The following CDC42BPA variants were observed in gnomAD, a reference collection of about 807,000 sequenced individuals.
The protein encoded by CDC42BPA is serine/threonine-protein kinase MRCK alpha.
In CDC42BPA, 80 loss-of-function variants were observed where a neutral mutation model predicts 223.5. The ratio of observed to expected loss-of-function variants is 0.36; its 90% CI spans 0.30 to 0.43. The LOEUF (loss-of-function observed/expected upper bound fraction) is 0.43, where lower values mean the gene tolerates loss of function less well. Ranked by LOEUF, CDC42BPA falls within the 20% of genes least tolerant of loss-of-function variation. CDC42BPA has a pLI of 1.00. For synonymous variants in CDC42BPA, 694 were observed against 718.6 expected (o/e 0.97, Z 0.55); for missense variants, 1,743 against 2,099.9 (o/e 0.83, Z 3.32).
chr1:227,122,170 G>A (rs551728756), intron 11 of CDC42BPA, among the ~76,000 whole-genome samples: 23 of 152,250 alleles, frequency 1.5e-4, no homozygotes, highest in Middle Eastern at 3.4e-3. Context: ...GAGTAAAAAT[G>A]TAGCCTGTAA....
At chr1:227,311,768 T>C (rs1341221994) in intron 1 of CDC42BPA, among the ~76,000 whole-genome samples, 2 of 152,080 alleles carry the variant, frequency 1.3e-5, no homozygotes, top group Admixed American at 6.6e-5. Context: ...CAGACTGAAG[T>C]AGCAACTCAG....
intron 1 of CDC42BPA, among the ~76,000 whole-genome samples, chr1:227,315,867 G>A (rs1694286424): frequency 6.7e-6 from 1 of 149,540 alleles, no homozygotes; most frequent in African/African-American, 2.5e-5. Context: ...TTCTTATACT[G>A]GCAAATTGAA....
At chr1:227,053,313 G>T (rs1673915275) in intron 21 of CDC42BPA, among the ~76,000 whole-genome samples, 1 of 152,158 alleles carries the variant, frequency 6.6e-6, no homozygotes, top group East Asian at 1.9e-4. Flanking sequence ...CCCACCTACG[G>T]CCTTCCTGGG....
In CDC42BPA at chr1:227,197,481, C is replaced by G. The variant is rs193020818; in HGVS notation, c.450+2076G>C. Among the ~76,000 whole-genome samples, 562 of 152,176 alleles carry G rather than the reference C, an allele frequency of 3.7e-3. 3 individuals carry two copies. The highest frequency in any genetic ancestry group is 0.013 in the African/African-American group (543 of 41,548). ...GTAATTATTGAGGGGTATATACAGA[C>G]TATTTTTCCCTGAAAAATGTCTTTG... On this transcript the variant is annotated intron_variant, in intron 4 of 36. Coordinates refer to ENST00000366766, the MANE Select transcript of CDC42BPA (RefSeq NM_001394014.1).
At chr1:226,997,131 AG>A (rs1661778349) in intron 35 of CDC42BPA, among the ~76,000 whole-genome samples, 1 of 152,208 alleles carries the variant, frequency 6.6e-6, no homozygotes, top group Non-Finnish European at 1.5e-5. Flanking sequence ...CCTCAATTTC[AG>A]AACTTGTTAT....
At chr1:227,040,525 T>TA (rs1671158361) in intron 23 of CDC42BPA, among the ~76,000 whole-genome samples, 1 of 152,190 alleles carries the variant, frequency 6.6e-6, no homozygotes, top group South Asian at 2.1e-4. Context: ...TCATAAATCT[T>TA]AGCTTCAGAA....
At chr1:227,296,921 T>A (rs1210075699) in intron 1 of CDC42BPA, among the ~76,000 whole-genome samples, 1 of 152,002 alleles carries the variant, frequency 6.6e-6, no homozygotes, top group Non-Finnish European at 1.5e-5. Flanking sequence ...AAAATATGTG[T>A]AAATAATATA....
intron 3 of CDC42BPA, among the ~76,000 whole-genome samples, chr1:227,211,234 C>T (rs1673833735): frequency 6.6e-6 from 1 of 152,078 alleles, no homozygotes; most frequent in Admixed American, 6.6e-5. Context: ...CTCCCAGATA[C>T]TTTGTCAAAC....
chr1:227,019,144 C>T (rs2148527404), intron 32 of CDC42BPA, among the ~76,000 whole-genome samples: 1 of 152,298 alleles, frequency 6.6e-6, no homozygotes, highest in Admixed American at 6.5e-5. Flanking sequence ...TCAAACCCTG[C>T]CTCTGCCCTA....
chr1:227,106,363 A>G (rs1685928286), intron 14 of CDC42BPA, among the ~76,000 whole-genome samples: 2 of 152,144 alleles, frequency 1.3e-5, no homozygotes, highest in Non-Finnish European at 2.9e-5. Context: ...ATGATTTGCA[A>G]ATATTTTCTT....
At chr1:227,220,073 C>T (rs1353010286) in intron 2 of CDC42BPA, among the ~76,000 whole-genome samples, 2 of 151,956 alleles carry the variant, frequency 1.3e-5, no homozygotes, top group African/African-American at 2.4e-5. Flanking sequence ...TGACCTGTGA[C>T]CAGGCAGGAC....
chr1:227,149,602 A>C (rs1276117491), intron 6 of CDC42BPA, among the ~76,000 whole-genome samples: 6 of 152,242 alleles, frequency 3.9e-5, no homozygotes, highest in Non-Finnish European at 8.8e-5. Flanking sequence ...AGTTTTTAAA[A>C]ATCAAACGGA....
At chr1:227,081,281 C>CT (rs141743743) in intron 16 of CDC42BPA, among the ~76,000 whole-genome samples, 10,404 of 149,192 alleles carry the variant, frequency 0.07, 539 homozygotes, top group East Asian at 0.26. Flanking sequence ...TTGGTAATAG[C>CT]TTTTTTTTTT....
intron 2 of CDC42BPA, among the ~76,000 whole-genome samples, chr1:227,230,356 G>A (rs1015181739): frequency 3.9e-5 from 6 of 152,180 alleles, no homozygotes; most frequent in African/African-American, 1.4e-4. Flanking sequence ...TTATTTAATA[G>A]TTCAAATTTC....
chr1:227,243,677 C>A (rs1022719830), intron 2 of CDC42BPA, among the ~76,000 whole-genome samples: 4 of 151,866 alleles, frequency 2.6e-5, no homozygotes, highest in African/African-American at 9.7e-5. Context: ...TAATTAATTG[C>A]ACTCCATTAA....
intron 16 of CDC42BPA, among the ~76,000 whole-genome samples, chr1:227,081,355 A>G (rs1007774820): frequency 5.9e-5 from 9 of 152,244 alleles, no homozygotes; most frequent in Non-Finnish European, 1.2e-4. Context: ...CATATACAGA[A>G]AAGGAAAATA....
chr1:227,044,294 A>T (rs1454560936), intron 23 of CDC42BPA, among the ~76,000 whole-genome samples: 1 of 152,154 alleles, frequency 6.6e-6, no homozygotes, highest in East Asian at 1.9e-4. Context: ...GTCTGTCATC[A>T]TCTGTTAACA....
chr1:227,097,206 A>G (rs1684169439), intron 15 of CDC42BPA, among the ~76,000 whole-genome samples: 1 of 152,020 alleles, frequency 6.6e-6, no homozygotes, highest in Non-Finnish European at 1.5e-5. Flanking sequence ...ACAAAGTACA[A>G]TAGTTTTACC....
chr1:227,048,568 T>C (rs1186170590), intron 22 of CDC42BPA, among the ~76,000 whole-genome samples: 2 of 151,642 alleles, frequency 1.3e-5, no homozygotes, highest in African/African-American at 4.8e-5. Context: ...TTTAATATTA[T>C]TGGAATTCTG....
Sources: gnomAD v4.1 joint callset for allele counts (sites outside exome capture counted in the v4.1 genomes callset) on GRCh38, gnomAD v4.1.1 for gene constraint, MANE v1.5 for transcripts, NCBI Gene and HGNC (gene_info 2026-07-23, HGNC 2026-07-21) for gene names.